Variants in DNAJC24 observed in about 807,000 individuals in gnomAD.
DNAJC24 encodes the protein DnaJ heat shock protein family (Hsp40) member C24.
DNAJC24 carries 17 observed loss-of-function variants against 18.0 expected under a neutral mutation model. The ratio of observed to expected loss-of-function variants is 0.94; its 90% CI spans 0.65 to 1.42. The LOEUF is 1.42. Among genes scored for constraint, DNAJC24 ranks in the 40% most tolerant of loss-of-function variants. The pLI is 0.00. For synonymous variants in DNAJC24, 55 were observed against 57.7 expected, an observed-to-expected ratio of 0.95 and a Z score of 0.21; for missense variants, 158 against 175.6, an observed-to-expected ratio of 0.90 and a Z score of 0.57.
At chr11:31,388,125 G>C (rs775296131) in intron 2 of DNAJC24, among the ~76,000 whole-genome samples, 4 of 152,000 alleles carry the variant, frequency 2.6e-5, no homozygotes, top group Non-Finnish European at 4.4e-5. Context: ...CTAGAAAATA[G>C]CCTCAGTAGG....
chr11:31,421,948 C>G, intron 3 of DNAJC24: 1 of 440,772 alleles, frequency 2.3e-6, no homozygotes, highest in African/African-American at 2.0e-5. Context: ...CGTAGATTTT[C>G]CTTTTAATCT....
At chr11:31,398,640 CAG>C (rs1216328304) in intron 2 of DNAJC24, among the ~76,000 whole-genome samples, 3 of 152,100 alleles carry the variant, frequency 2.0e-5, no homozygotes, top group South Asian at 4.1e-4. Flanking sequence ...TTTCCCATCT[CAG>C]GGGTAAAGCA....
chr11:31,416,193 GCAAAGGTT>G (rs1952750044), intron 3 of DNAJC24: 1 of 152,104 alleles, frequency 6.6e-6, no homozygotes, highest in African/African-American at 2.4e-5. Flanking sequence ...GCTTTTCAAA[GCAAAGGTT>G]AATTTTCAAA....
chr11:31,402,266 G>A (rs1016016743), intron 2 of DNAJC24, among the ~76,000 whole-genome samples: 2 of 139,232 alleles, frequency 1.4e-5, no homozygotes, highest in Admixed American at 7.2e-5. Flanking sequence ...TACAGTAAAA[G>A]TATGCTATAA....
chr11:31,391,974 A>G (rs959520482), intron 2 of DNAJC24, among the ~76,000 whole-genome samples: 6 of 152,162 alleles, frequency 3.9e-5, no homozygotes, highest in African/African-American at 1.4e-4. Flanking sequence ...AGGACATTAT[A>G]TTAAGTGAAA....
At chr11:31,370,090 T>A (rs574913830) in intron 1 of DNAJC24, among the ~76,000 whole-genome samples, 178 bp downstream of exon 1, 2 of 152,230 alleles carry the variant, frequency 1.3e-5, no homozygotes, top group East Asian at 1.9e-4. Context: ...TGGTAGGGTC[T>A]CTCTTCTGGA....
intron 2 of DNAJC24, among the ~76,000 whole-genome samples, chr11:31,379,372 G>C (rs1186119179): frequency 6.6e-6 from 1 of 152,146 alleles, no homozygotes; most frequent in Non-Finnish European, 1.5e-5. Context: ...AACTGAGGTG[G>C]AACAGTTTCA....
At position 31,432,672 on chromosome 11, in the gene DNAJC24, CT is replaced by C. The variant is rs1439598630; in HGVS notation, c.*2274del. The C allele has an allele frequency of 1.6e-5, 12 of 743,978 alleles. No individual in the cohort carries two copies. The Admixed American group carries it at 2.4e-4, about 15-fold the overall frequency. The allele number at this position is 743,978 out of a possible 1,614,324, so 46.1% of individuals were successfully genotyped here. ...CCCTTTTCTCTATGCCAGATAAACA[CT>C]TTCTCCTTACTCATCAATCAAGAAT... On this transcript the variant is annotated 3_prime_UTR_variant, in exon 5 of 5. Coordinates refer to ENST00000465995, the MANE Select transcript of DNAJC24 (RefSeq NM_181706.5).
rs371715375 is a variant in DNAJC24 at position 31,414,765 on chromosome 11, T to C, written c.112-46T>C. On this transcript the variant is annotated intron_variant, in intron 2 of 4. Coordinates refer to ENST00000465995, the MANE Select transcript of DNAJC24 (RefSeq NM_181706.5). ...ACAATTTTTTTAAATCTAACCCCAC[T>C]CAGCTCTCTCTACTCACCCCCTGCA... 1.9e-6 allele frequency: 3 copies of C among 1,561,418 alleles called. No individual in the cohort carries two copies. The African/African-American group carries it at 4.1e-5, about 22-fold the overall frequency.
In DNAJC24 at chr11:31,415,169, GC is replaced by G. The variant is rs1591918598; in HGVS notation, c.250+222del. 38 of 429,704 alleles carry G rather than the reference GC, an allele frequency of 8.8e-5. No homozygotes were observed. The East Asian group carries it at 1.4e-3, about 16-fold the overall frequency. The allele number at this position is 429,704 out of a possible 1,614,324, so 26.6% of individuals were successfully genotyped here. A position where few individuals can be genotyped will look rare whatever the true frequency, so the allele number is the denominator to read the frequency against. ...CTACTAGGATGTGGCTTCTTGTGAA[GC>G]CTTGAAAGCTACTTTTTATAACATT... On this transcript the variant is annotated intron_variant, in intron 3 of 4. Transcript: ENST00000465995.
At chr11:31,390,436 G>A (rs574304479) in intron 2 of DNAJC24, among the ~76,000 whole-genome samples, 47 of 149,492 alleles carry the variant, frequency 3.1e-4, no homozygotes, top group African/African-American at 1.0e-3. Context: ...GGCCGGGTGC[G>A]GTGGCTCATG....
At chr11:31,383,711 C>T (rs1361917910) in intron 2 of DNAJC24, among the ~76,000 whole-genome samples, 5 of 152,158 alleles carry the variant, frequency 3.3e-5, no homozygotes, top group Non-Finnish European at 7.3e-5. Context: ...AAATGCCCCC[C>T]GGATTGCTGT....
Position 31,426,332 on chromosome 11 carries a change from T to A in DNAJC24, c.296T>A (p.Leu99His), listed in dbSNP as rs751350478. The change falls in exon 4 of 5, where the codon CTT (leucine) becomes CAT (histidine). Residue 99 changes from leucine (L) to histidine (H), a missense_variant. Physicochemically the swap from Leu to His is moderately conservative, Grantham distance 99 (BLOSUM62 -3). Transcript: ENST00000465995. ...NVGPVDAQVY[L>H]EEMSWNEGDH... The stretch of plus-strand genomic sequence containing the variant: ...GGACCAGTAGATGCTCAAGTATATC[T>A]TGAAGAAATGTCTTGGAATGAAGGT... 1 of 1,569,214 alleles carries A rather than the reference T, an allele frequency of 6.4e-7. No homozygotes were observed. Among genetic ancestry groups the A allele is most frequent in the East Asian group, 2.3e-5 (1 of 42,894 alleles).
chr11:31,407,698 A>ATAT (rs1487781994), intron 2 of DNAJC24, among the ~76,000 whole-genome samples: 34 of 113,848 alleles, frequency 3.0e-4, no homozygotes, highest in South Asian at 1.1e-3. Flanking sequence ...AAAAAAAAAA[A>ATAT]AAAAAAAAAT....
chr11:31,430,223 G>A (rs1233022579), intron 4 of DNAJC24, 48 bp from the exon 5 acceptor site: 41 of 1,543,252 alleles, frequency 2.7e-5, no homozygotes, highest in Non-Finnish European at 3.5e-5. Context: ...GTATTAGTGA[G>A]GTAGTTACTT....
At chr11:31,415,852 A>G (rs1318111686) in intron 3 of DNAJC24, 1 of 152,182 alleles carries the variant, frequency 6.6e-6, no homozygotes, top group East Asian at 1.9e-4. Context: ...TCACAAAATG[A>G]TTCTGAGGCT....
chr11:31,425,093 G>C (rs1376361), intron 3 of DNAJC24, among the ~76,000 whole-genome samples: 40,773 of 151,800 alleles, frequency 0.27, 5,726 homozygotes, highest in South Asian at 0.34. Context: ...TTGACCCAAA[G>C]AACACTTGTT....
intron 2 of DNAJC24, among the ~76,000 whole-genome samples, chr11:31,404,204 C>T (rs1952631468): frequency 6.6e-6 from 1 of 152,142 alleles, no homozygotes; most frequent in Non-Finnish European, 1.5e-5. Context: ...TTGTATCAAC[C>T]TCCTATCTCA....
At chr11:31,405,298 G>A (rs983272679) in intron 2 of DNAJC24, among the ~76,000 whole-genome samples, 2 of 151,606 alleles carry the variant, frequency 1.3e-5, no homozygotes, top group African/African-American at 4.8e-5. Context: ...TCGAACTCCT[G>A]ACCTCAGGTG....
Sources: allele counts gnomAD v4.1 joint callset (sites outside exome capture counted in the v4.1 genomes callset), GRCh38; gene constraint gnomAD v4.1.1; transcripts MANE v1.5; gene names NCBI Gene and HGNC (gene_info 2026-07-23, HGNC 2026-07-21).